Variants in PHACTR1 observed in about 807,000 individuals in gnomAD.
PHACTR1 encodes the protein phosphatase and actin regulator 1.
In PHACTR1, 16 loss-of-function variants were observed where a neutral mutation model predicts 69.2. The ratio of observed to expected loss-of-function variants is 0.23; its 90% confidence interval spans 0.16 to 0.35. PHACTR1 has a LOEUF of 0.35. Ranked by LOEUF, PHACTR1 falls within the 10% of genes least tolerant of loss-of-function variation. PHACTR1 has a pLI of 1.00. For synonymous variants in PHACTR1, 312 were observed against 284.5 expected (o/e 1.10, Z -0.97); for missense variants, 510 against 734.7 (o/e 0.69, Z 3.54).
intron 4 of PHACTR1, among the ~76,000 whole-genome samples, chr6:12,784,650 A>G (rs1771300973): frequency 6.6e-6 from 1 of 152,036 alleles, no homozygotes; most frequent in East Asian, 1.9e-4. Context: ...AATGATATAT[A>G]CATATATGTA....
chr6:13,094,907 C>A (rs1363671716), intron 5 of PHACTR1, among the ~76,000 whole-genome samples: 8 of 152,140 alleles, frequency 5.3e-5, no homozygotes, highest in Non-Finnish European at 8.8e-5. Context: ...GAAGCCCTTA[C>A]TACCAGTGTG....
intron 4 of PHACTR1, among the ~76,000 whole-genome samples, chr6:12,853,529 C>T (rs569529311): frequency 6.6e-6 from 1 of 152,158 alleles, no homozygotes; most frequent in South Asian, 2.1e-4. Context: ...TGTATTAGTC[C>T]GTTCTCACAC....
Position 12,955,192 on chromosome 6 carries a change from C to CTTTTTTTTTTTTTTTTTTTTTTTTTTTT in PHACTR1, c.251-98153_251-98152insTTTTTTTTTTTTTTTTTTTTTTTTTTTT, listed in dbSNP as rs1161324144. Among the ~76,000 whole-genome samples, 28 of 103,288 alleles carry CTTTTTTTTTTTTTTTTTTTTTTTTTTTT rather than the reference C, an allele frequency of 2.7e-4. 4 individuals are homozygous for CTTTTTTTTTTTTTTTTTTTTTTTTTTTT. Among genetic ancestry groups the CTTTTTTTTTTTTTTTTTTTTTTTTTTTT allele is most frequent in the African/African-American group, 1.4e-3 (27 of 19,524 alleles). 67.8% of individuals were successfully genotyped at this position (103,288 alleles called of 152,430 possible). ...ATCTATGGCTCACATTGTATTTCCT[C>CTTTTTTTTTTTTTTTTTTTTTTTTTTTT]TTTTTTTTTTTTTTTTTTTTGAGAG... is the stretch of plus-strand genomic sequence containing the variant. On this transcript the variant is annotated intron_variant, in intron 4 of 14. Transcript: ENST00000332995.
At chr6:13,218,718 C>T (rs920607350) in intron 8 of PHACTR1, among the ~76,000 whole-genome samples, 2 of 150,986 alleles carry the variant, frequency 1.3e-5, no homozygotes, top group African/African-American at 4.9e-5. Context: ...ACTCAGGAGG[C>T]TGAGGTGGGA....
At chr6:13,265,573 CTGAGGTGT>C (rs1388942165) in intron 10 of PHACTR1, among the ~76,000 whole-genome samples, 1 of 152,158 alleles carries the variant, frequency 6.6e-6, no homozygotes, top group Admixed American at 6.6e-5. Context: ...GTACTCTCAG[CTGAGGTGT>C]TGAAGGCCAG....
intron 7 of PHACTR1, 124 bp downstream of exon 7, chr6:13,182,810 AT>A: frequency 1.1e-6 from 1 of 937,684 alleles, no homozygotes; most frequent in Non-Finnish European, 1.5e-6. Flanking sequence ...GGATCTGGAA[AT>A]TTAGTGAAAC....
intron 4 of PHACTR1, among the ~76,000 whole-genome samples, chr6:12,986,110 A>G (rs540228059): frequency 2.9e-4 from 44 of 152,318 alleles, no homozygotes; most frequent in African/African-American, 9.4e-4. Flanking sequence ...TGCTGGGATT[A>G]CAGTCATGAG....
intron 4 of PHACTR1, among the ~76,000 whole-genome samples, chr6:12,779,226 T>C (rs1770494630): frequency 6.6e-6 from 1 of 152,106 alleles, no homozygotes; most frequent in Admixed American, 6.5e-5. Context: ...TCCCAGCTAC[T>C]TGCAAGGCTG....
intron 5 of PHACTR1, among the ~76,000 whole-genome samples, chr6:13,069,575 C>G (rs987230585): frequency 2.0e-5 from 3 of 152,076 alleles, no homozygotes; most frequent in African/African-American, 7.2e-5. Context: ...TCTTCCTCGG[C>G]TCTGGTTTTC....
At chr6:13,082,285 A>G (rs886760440) in intron 5 of PHACTR1, among the ~76,000 whole-genome samples, 1 of 152,168 alleles carries the variant, frequency 6.6e-6, no homozygotes. Context: ...TAAAGTCAAC[A>G]CACTGGAGAT....
chr6:12,934,365 C>A (rs1235225621), intron 4 of PHACTR1, among the ~76,000 whole-genome samples: 1 of 152,214 alleles, frequency 6.6e-6, no homozygotes, highest in African/African-American at 2.4e-5. Flanking sequence ...GTCACATTCA[C>A]AAGTACTGGA....
intron 4 of PHACTR1, among the ~76,000 whole-genome samples, chr6:12,930,707 T>G (rs1017972944): frequency 1.3e-5 from 2 of 152,040 alleles, no homozygotes; most frequent in African/African-American, 4.8e-5. Context: ...TCTAAAAGGG[T>G]GTATGAATAC....
At chr6:12,768,825 C>CAT (rs1769011640) in intron 4 of PHACTR1, among the ~76,000 whole-genome samples, 1 of 120,930 alleles carries the variant, frequency 8.3e-6, no homozygotes, top group South Asian at 2.4e-4. Context: ...CACACACACA[C>CAT]ACACACACAC....
At chr6:12,822,730 C>A (rs1334412962) in intron 4 of PHACTR1, among the ~76,000 whole-genome samples, 1 of 152,160 alleles carries the variant, frequency 6.6e-6, no homozygotes, top group African/African-American at 2.4e-5. Context: ...CCAGAATAGA[C>A]TTCTAGCCAG....
intron 3 of PHACTR1, among the ~76,000 whole-genome samples, chr6:12,727,421 C>G (rs908440543): frequency 6.6e-6 from 1 of 152,170 alleles, no homozygotes; most frequent in African/African-American, 2.4e-5. Flanking sequence ...TTTCAATGCT[C>G]TTAGTGCCTT....
intron 4 of PHACTR1, among the ~76,000 whole-genome samples, chr6:12,899,849 G>A (rs891796228): frequency 2.6e-5 from 4 of 152,172 alleles, no homozygotes; most frequent in African/African-American, 9.7e-5. Context: ...CTGCACGCCC[G>A]GGTCTGTGAT....
intron 4 of PHACTR1, among the ~76,000 whole-genome samples, chr6:12,865,761 T>C (rs1226551248): frequency 5.3e-5 from 8 of 152,226 alleles, no homozygotes; most frequent in Non-Finnish European, 1.0e-4. Flanking sequence ...GCTATGTTTT[T>C]CCCACAAGTG....
chr6:12,847,499 A>C (rs1779408571), intron 4 of PHACTR1, among the ~76,000 whole-genome samples: 1 of 152,158 alleles, frequency 6.6e-6, no homozygotes. Context: ...ATGAATGTTA[A>C]TTGACATATA....
intron 4 of PHACTR1, among the ~76,000 whole-genome samples, chr6:12,939,172 C>G (rs1789803670): frequency 1.3e-5 from 2 of 152,168 alleles, no homozygotes; most frequent in African/African-American, 4.8e-5. Context: ...ATGCTGTCCC[C>G]TAGTCTAAGA....
Sources: gnomAD v4.1 joint callset for allele counts (sites outside exome capture counted in the v4.1 genomes callset) on GRCh38, gnomAD v4.1.1 for gene constraint, MANE v1.5 for transcripts, NCBI Gene and HGNC (gene_info 2026-07-23, HGNC 2026-07-21) for gene names.